Variants in CNTN5 observed in about 807,000 individuals in gnomAD.
The protein encoded by CNTN5 is contactin 5, also known as contactin-5.
A neutral mutation model predicts 129.1 loss-of-function variants in CNTN5; 77 were observed. The ratio of observed to expected loss-of-function variants is 0.60; its 90% CI spans 0.50 to 0.72. CNTN5 has a LOEUF of 0.72. Ranked by LOEUF, CNTN5 falls within the 30% of genes least tolerant of loss-of-function variation. The pLI is 0.00. For synonymous variants in CNTN5, 509 were observed against 465.6 expected (o/e 1.09, Z -1.20); for missense variants, 1,478 against 1,328.8 (o/e 1.11, Z -1.75).
chr11:100,048,855 CAG>C, intron 9 of CNTN5, among the ~76,000 whole-genome samples: 1 of 151,992 alleles, frequency 6.6e-6, no homozygotes, highest in Non-Finnish European at 1.5e-5. Context: ...GAAATATAAA[CAG>C]GGTAAAAACA....
At chr11:99,354,577 C>A (rs928662875) in intron 2 of CNTN5, among the ~76,000 whole-genome samples, 1 of 152,092 alleles carries the variant, frequency 6.6e-6, no homozygotes, top group Non-Finnish European at 1.5e-5. Flanking sequence ...ATCAGCGACC[C>A]CTCTTTTTCT....
At chr11:99,757,701 A>G (rs540390762) in intron 3 of CNTN5, among the ~76,000 whole-genome samples, 15 of 152,136 alleles carry the variant, frequency 9.9e-5, no homozygotes, top group African/African-American at 3.4e-4. Flanking sequence ...CCAATACACA[A>G]TATCTTATGT....
chr11:100,043,198 C>A (rs541296838), intron 9 of CNTN5, among the ~76,000 whole-genome samples: 2 of 152,268 alleles, frequency 1.3e-5, no homozygotes, highest in South Asian at 4.1e-4. Context: ...GATTTCAAAT[C>A]AGCCATTTGA....
chr11:99,774,025 A>G (rs931622245), intron 3 of CNTN5, among the ~76,000 whole-genome samples: 7 of 152,012 alleles, frequency 4.6e-5, no homozygotes, highest in Non-Finnish European at 1.0e-4. Context: ...CCCCACTCTG[A>G]TTCTTCCTTC....
chr11:100,257,875 C>T (rs924421808), intron 17 of CNTN5, among the ~76,000 whole-genome samples: 1 of 152,138 alleles, frequency 6.6e-6, no homozygotes, highest in African/African-American at 2.4e-5. Flanking sequence ...AACCAGAACA[C>T]CTCTTCTCCT....
At chr11:99,715,427 A>G (rs940520547) in intron 3 of CNTN5, among the ~76,000 whole-genome samples, 1 of 151,672 alleles carries the variant, frequency 6.6e-6, no homozygotes, top group Non-Finnish European at 1.5e-5. Flanking sequence ...CCAAGAGAGC[A>G]GAATAGTTGA....
At chr11:99,612,437 T>G (rs921170925) in intron 3 of CNTN5, among the ~76,000 whole-genome samples, 3 of 152,300 alleles carry the variant, frequency 2.0e-5, no homozygotes, top group Admixed American at 6.5e-5. Context: ...AGTTAATTTT[T>G]TATAAAAGCT....
At chr11:100,288,107 G>C (rs565072255) in intron 18 of CNTN5, among the ~76,000 whole-genome samples, 1 of 152,050 alleles carries the variant, frequency 6.6e-6, no homozygotes, top group African/African-American at 2.4e-5. Context: ...GATTCATAAA[G>C]CAAGTGCTTA....
intron 4 of CNTN5, among the ~76,000 whole-genome samples, chr11:99,839,896 G>T (rs1385903836): frequency 1.3e-5 from 2 of 151,904 alleles, no homozygotes; most frequent in Admixed American, 6.6e-5. Flanking sequence ...AACAAGGTAT[G>T]CCTAACTGGT....
chr11:100,132,495 T>A (rs928277408), intron 13 of CNTN5, among the ~76,000 whole-genome samples: 1 of 152,134 alleles, frequency 6.6e-6, no homozygotes, highest in African/African-American at 2.4e-5. Context: ...TTAAATAATG[T>A]CTTCTCAAAT....
At chr11:99,141,744 A>G (rs758231703) in intron 1 of CNTN5, among the ~76,000 whole-genome samples, 21 of 151,784 alleles carry the variant, frequency 1.4e-4, no homozygotes, top group Admixed American at 3.9e-4. Context: ...CCTTAATTGG[A>G]TTGTTTACCC....
At chr11:99,039,068 A>G (rs913698577) in intron 1 of CNTN5, among the ~76,000 whole-genome samples, 17 of 152,154 alleles carry the variant, frequency 1.1e-4, no homozygotes, top group African/African-American at 4.1e-4. Context: ...AACTGAAAAG[A>G]CTTGTTTTCA....
At chr11:99,312,965 T>G (rs777065719) in intron 1 of CNTN5, among the ~76,000 whole-genome samples, 2 of 152,064 alleles carry the variant, frequency 1.3e-5, no homozygotes, top group African/African-American at 2.4e-5. Context: ...AAAATAGTGG[T>G]TTTAATAGAA....
At chr11:99,428,887 G>GT in intron 2 of CNTN5, among the ~76,000 whole-genome samples, 1 of 151,988 alleles carries the variant, frequency 6.6e-6, no homozygotes. Context: ...CAATAAATCA[G>GT]TTTTTTGCCA....
At position 99,324,517 on chromosome 11, in the gene CNTN5, T is replaced by C. The variant is rs573847421; in HGVS notation, c.-209-829T>C. Among the ~76,000 whole-genome samples the C allele has an allele frequency of 1.8e-4, 28 of 152,294 alleles. No homozygotes were observed. The South Asian group carries it at 2.1e-3, about 11-fold the overall frequency. ...AGAAATATGTTATTAGATTCTTATT[T>C]GAAATATATGTATGGGTAGCTACGC... On this transcript the variant is annotated intron_variant, in intron 1 of 24. Transcript: ENST00000524871.
chr11:99,702,254 A>G (rs73562055), intron 3 of CNTN5, among the ~76,000 whole-genome samples: 11,483 of 150,798 alleles, frequency 0.076, 585 homozygotes, highest in African/African-American at 0.15. Context: ...TTTAAGGTAC[A>G]TATTTCATAT....
intron 8 of CNTN5, among the ~76,000 whole-genome samples, chr11:99,992,091 G>A (rs1331555682): frequency 6.6e-6 from 1 of 152,186 alleles, no homozygotes; most frequent in Admixed American, 6.5e-5. Flanking sequence ...AGATGTTGAA[G>A]GCAAAAATGA....
chr11:100,299,537 T>C, intron 20 of CNTN5, 141 bp downstream of exon 20: 1 of 545,300 alleles, frequency 1.8e-6, no homozygotes, highest in Non-Finnish European at 3.0e-6. Flanking sequence ...TTTGGATATA[T>C]ATTTCCCAAA....
intron 1 of CNTN5, among the ~76,000 whole-genome samples, chr11:99,219,925 A>T (rs1026002787): frequency 2.0e-5 from 3 of 151,940 alleles, no homozygotes; most frequent in African/African-American, 7.2e-5. Flanking sequence ...AGGCTTCTGT[A>T]TTTCTGTAAA....
Sources: allele counts gnomAD v4.1 joint callset (sites outside exome capture counted in the v4.1 genomes callset), GRCh38; gene constraint gnomAD v4.1.1; transcripts MANE v1.5; gene names NCBI Gene and HGNC (gene_info 2026-07-23, HGNC 2026-07-21).